Variants in NLRP1 observed in about 807,000 individuals in gnomAD.
NLRP1 encodes the protein NLR family pyrin domain containing 1, also known as NACHT, LRR and PYD domains-containing protein 1.
In NLRP1, 94 loss-of-function variants were observed where a neutral mutation model predicts 136.7. The ratio of observed to expected loss-of-function variants is 0.69; its 90% CI spans 0.58 to 0.82. The LOEUF is 0.82. Ranked by LOEUF, NLRP1 falls within the 40% of genes least tolerant of loss-of-function variation. The pLI is 0.00. For missense variants in NLRP1, 1,575 were observed against 1,802.7 expected, an observed-to-expected ratio of 0.87 and a Z score of 2.29; for synonymous variants, 690 against 725.1, an observed-to-expected ratio of 0.95 and a Z score of 0.78.
In NLRP1 at chr17:5,517,150, G is replaced by C. The variant is rs776921716; in HGVS notation, c.4057+596C>G. On this transcript the variant is annotated intron_variant, in intron 15 of 16. Coordinates refer to ENST00000572272, the MANE Select transcript of NLRP1 (RefSeq NM_033004.4). ...CATGAGAAACTTAGCTAAAAGCTTT[G>C]TGTATGTCGACATCTGTTAATTCAA... 2.6e-5 allele frequency among the ~76,000 whole-genome samples: 4 copies of C among 152,114 alleles called. No individual in the cohort carries two copies. The South Asian group carries it at 8.3e-4, about 31-fold the overall frequency.
rs1264843404 is a variant in NLRP1, at chr17:5,583,984, T to C, written c.-27A>G. 6.3e-6 allele frequency: 10 copies of C among 1,597,834 alleles called. No homozygotes were observed. Among genetic ancestry groups the C allele is most frequent in the Non-Finnish European group, 8.5e-6 (10 of 1,171,602 alleles). On this transcript the variant is annotated 5_prime_UTR_variant, in exon 1 of 17. Coordinates refer to ENST00000572272, the MANE Select transcript of NLRP1 (RefSeq NM_033004.4). The surrounding 1 kb of genome is among the most constrained non-coding windows in gnomAD (Gnocchi z 4.5). The stretch of plus-strand genomic sequence containing the variant: ...TCTGTCCCGGAGTTAAGAGGGTGTC[T>C]GGGGGATGTTCCCAGGTGGTGAGGG...
chr17:5,553,562 G>C lies in NLRP1; in HGVS notation c.2358-6C>G, dbSNP rs200521082. 7.4e-6 allele frequency: 12 copies of C among 1,612,902 alleles called. No individual in the cohort carries two copies. The highest frequency in any genetic ancestry group is 1.7e-5 in the Admixed American group (1 of 59,966). On this transcript the variant is annotated splice_region_variant and splice_polypyrimidine_tract_variant and intron_variant, in intron 4 of 16. Transcript: ENST00000572272. ...TGACTGGGACCCACCTGAACCTGAGGGGGAGAGAGAAGGACAGGAGAGATG... is the reference window on the plus strand; with the variant it reads ...TGACTGGGACCCACCTGAACCTGAGCGGGAGAGAGAAGGACAGGAGAGATG...
intron 6 of NLRP1, among the ~76,000 whole-genome samples, chr17:5,540,011 T>C (rs1597429176): frequency 6.6e-6 from 1 of 152,232 alleles, no homozygotes; most frequent in Non-Finnish European, 1.5e-5. Flanking sequence ...TAGGGCCTTT[T>C]TAGAGGGCAA....
intron 5 of NLRP1, among the ~76,000 whole-genome samples, chr17:5,552,850 T>C (rs905992337): frequency 6.6e-6 from 1 of 152,214 alleles, no homozygotes; most frequent in Non-Finnish European, 1.5e-5. Context: ...GCCTCTACTT[T>C]TGCACTCTTC....
chr17:5,518,838 A>AT (rs35197506), intron 14 of NLRP1, among the ~76,000 whole-genome samples: 7,111 of 129,228 alleles, frequency 0.055, 212 homozygotes, highest in Middle Eastern at 0.12. Context: ...CCACAACAGC[A>AT]TTTTTTTTTT....
At chr17:5,543,757 A>G (rs1331850864) in intron 5 of NLRP1, among the ~76,000 whole-genome samples, 1 of 152,140 alleles carries the variant, frequency 6.6e-6, no homozygotes, top group African/African-American at 2.4e-5. Flanking sequence ...AGCAACTGTC[A>G]GAGCAGCGAC....
intron 3 of NLRP1, among the ~76,000 whole-genome samples, chr17:5,560,309 A>T (rs937463080): frequency 6.6e-6 from 1 of 152,176 alleles, no homozygotes; most frequent in Non-Finnish European, 1.5e-5. Flanking sequence ...GTGCTGCTAT[A>T]GGGGTTGGGG....
rs1279789744 is a variant in NLRP1 at position 5,536,958 on chromosome 17, G to A, written c.2871-18C>T. ...GGTCCAGCCTGAAAGCACAAAGGGA[G>A]CCGGGTCCTCCTGGGATCCCCCATG... On this transcript the variant is annotated intron_variant, in intron 7 of 16. Transcript: ENST00000572272. 3 of 1,581,776 alleles carry A rather than the reference G, an allele frequency of 1.9e-6. 1 individual carries two copies. The highest frequency in any genetic ancestry group is 1.7e-4 in the Middle Eastern group (1 of 6,002).
chr17:5,584,048 G>A lies in NLRP1; in HGVS notation c.-91C>T. ...GAGAACAGTGCTGTCCTTTGCCTTG[G>A]CTCTTACCGTCTCTTATTCAGCATT... On this transcript the variant is annotated 5_prime_UTR_variant, in exon 1 of 17. Transcript: ENST00000572272. The A allele has an allele frequency of 1.6e-6, 2 of 1,269,234 alleles. No individual in the cohort carries two copies. The highest frequency in any genetic ancestry group is 2.2e-6 in the Non-Finnish European group (2 of 926,994). 78.6% of individuals were successfully genotyped at this position (1,269,234 alleles called of 1,614,324 possible). A position where few individuals can be genotyped will look rare whatever the true frequency, so the allele number is the denominator to read the frequency against.
In NLRP1 at chr17:5,553,433, ACT is replaced by A. The variant is rs745310095; in HGVS notation, c.2479_2480del (p.Cys829Ter). ...GAGGGCGTCTCAGGGTCTTACAAAGACTCTTCACTGCAGAGTGGCTCAGCGAG... is the reference window on the plus strand; with the variant it reads ...GAGGGCGTCTCAGGGTCTTACAAAGACTTCACTGCAGAGTGGCTCAGCGAG... ...GNSLSHSAVK[S>X]LCKTLRRPRC... On this transcript the variant is annotated frameshift_variant, in exon 5 of 17. Transcript: ENST00000572272. LOFTEE classifies it high-confidence loss of function. The A allele has an allele frequency of 3.1e-6, 5 of 1,613,672 alleles. No individual in the cohort carries two copies. The highest frequency in any genetic ancestry group is 4.2e-6 in the Non-Finnish European group (5 of 1,179,908).
rs1420996793 is a variant in NLRP1, at chr17:5,584,236, G to GAGGGTGAGGGTGAGGGGAGAT, written c.-300_-280dup. ...GGGATGGGGTCCAGGGCCAGGCAGG[G>GAGGGTGAGGGTGAGGGGAGAT]AGGGTGAGGGTGAGGGGAGATGTGG... On this transcript the variant is annotated 5_prime_UTR_variant, in exon 1 of 17. Coordinates refer to ENST00000572272, the MANE Select transcript of NLRP1 (RefSeq NM_033004.4). 2 of 517,262 alleles carry GAGGGTGAGGGTGAGGGGAGAT rather than the reference G, an allele frequency of 3.9e-6. No homozygotes were observed. Among genetic ancestry groups the GAGGGTGAGGGTGAGGGGAGAT allele is most frequent in the African/African-American group, 3.8e-5 (2 of 52,068 alleles). 32.0% of individuals were successfully genotyped at this position (517,262 alleles called of 1,614,324 possible). A position where few individuals can be genotyped will look rare whatever the true frequency, so the allele number is the denominator to read the frequency against.
At chr17:5,532,696 A>G in intron 11 of NLRP1, 126 bp downstream of exon 11, 1 of 711,420 alleles carries the variant, frequency 1.4e-6, no homozygotes, top group Non-Finnish European at 2.2e-6. Context: ...TGTCTTGGCA[A>G]GAGGAGGGGA....
chr17:5,515,242 G>A (rs184336476), intron 16 of NLRP1, among the ~76,000 whole-genome samples, 169 bp from the exon 17 acceptor site: 33 of 152,322 alleles, frequency 2.2e-4, no homozygotes, highest in African/African-American at 7.2e-4. Context: ...AGTGGGGATC[G>A]GGAGTGGGGT....
In NLRP1 at chr17:5,532,844, C is replaced by A; in HGVS notation, c.3274G>T (p.Asp1092Tyr). ...PTGPVATEVV[D>Y]KEKNLYRVHF... Reference sequence around the variant, plus strand: ...CACCGGTACAAGTTCTTTTCTTTGTCAACTACCTCAGTAGCCACAGGCCCC... The same window carrying A: ...CACCGGTACAAGTTCTTTTCTTTGTAAACTACCTCAGTAGCCACAGGCCCC... Residue 1092 changes from aspartate to tyrosine, a missense_variant, in exon 11 of 17, where the codon GAC (aspartate) becomes TAC (tyrosine). Coordinates refer to ENST00000572272, the MANE Select transcript of NLRP1 (RefSeq NM_033004.4). The A allele has an allele frequency of 6.2e-7, 1 of 1,606,630 alleles. No individual in the cohort carries two copies. The highest frequency in any genetic ancestry group is 1.1e-5 in the South Asian group (1 of 90,260).
chr17:5,545,310 CCT>C lies in NLRP1; in HGVS notation c.2529-3285_2529-3284del, dbSNP rs34815080. Reference sequence around the variant, plus strand: ...GTGACAGAGCGAAACCCCAATTCCCCCTGTCTCTCTTACACACAGACACACAG... The same window carrying C: ...GTGACAGAGCGAAACCCCAATTCCCCGTCTCTCTTACACACAGACACACAG... On this transcript the variant is annotated intron_variant, in intron 5 of 16. Transcript: ENST00000572272. 3.1e-3 allele frequency among the ~76,000 whole-genome samples: 470 copies of C among 149,780 alleles called. 2 individuals carry two copies. The highest frequency in any genetic ancestry group is 9.9e-3 in the African/African-American group (407 of 41,134).
At chr17:5,512,382 G>C, downstream of NLRP1, 3 of 1,134,264 alleles carry the variant, frequency 2.6e-6, no homozygotes, top group Non-Finnish European at 4.1e-6. Flanking sequence ...ACCCACACTT[G>C]TAACATCTTC....
intron 6 of NLRP1, among the ~76,000 whole-genome samples, chr17:5,540,036 C>T (rs1167104879): frequency 1.3e-5 from 2 of 152,202 alleles, no homozygotes; most frequent in African/African-American, 2.4e-5. Context: ...AGCAACATAT[C>T]GTTTTCCCAG....
chr17:5,557,723 C>T (rs921374253), intron 4 of NLRP1, among the ~76,000 whole-genome samples: 3 of 152,154 alleles, frequency 2.0e-5, no homozygotes, highest in African/African-American at 7.2e-5. Context: ...TCAGTACTGC[C>T]GGGCTGGAGA....
chr17:5,565,613 G>A (rs1381097891), intron 3 of NLRP1, among the ~76,000 whole-genome samples: 1 of 152,184 alleles, frequency 6.6e-6, no homozygotes, highest in Admixed American at 6.5e-5. Context: ...TTCATAGTTT[G>A]AGGTCTTAGA....
Sources: allele counts gnomAD v4.1 joint callset (sites outside exome capture counted in the v4.1 genomes callset), GRCh38; gene constraint gnomAD v4.1.1; non-coding constraint Gnocchi (gnomAD v3.1); transcripts MANE v1.5; gene names NCBI Gene and HGNC (gene_info 2026-07-23, HGNC 2026-07-21).